Variants in SLC35D4 observed in about 807,000 individuals in gnomAD.
SLC35D4 encodes the protein solute carrier family 35 member D4, also known as UDP-N-acetylglucosamine transporter SLC35D4.
chr18:23,373,712 C>G, the SLC35D4 span: 1 of 1,613,618 alleles, frequency 6.2e-7, no homozygotes, highest in Non-Finnish European at 8.5e-7. Context: ...TTGGACTTAC[C>G]TGGGAGTCAT....
At chr18:23,340,579 T>C in the SLC35D4 span, among the ~76,000 whole-genome samples, 1 of 152,010 alleles carries the variant, frequency 6.6e-6, no homozygotes, top group Non-Finnish European at 1.5e-5. Flanking sequence ...CAATGGAAAA[T>C]ATAAATGAAA....
At chr18:23,332,658 C>CT in the SLC35D4 span, among the ~76,000 whole-genome samples, 4 of 151,678 alleles carry the variant, frequency 2.6e-5, no homozygotes, top group Admixed American at 6.6e-5. Flanking sequence ...TCAGGACTGA[C>CT]TTTTTTTTCC....
At chr18:23,385,371 G>A in the SLC35D4 span, among the ~76,000 whole-genome samples, 7 of 152,224 alleles carry the variant, frequency 4.6e-5, no homozygotes, top group Non-Finnish European at 8.8e-5. Flanking sequence ...CCCCTCAGGC[G>A]AGAGCTCAGA....
chr18:23,377,578 T>C, the SLC35D4 span: 10 of 1,449,694 alleles, frequency 6.9e-6, no homozygotes, highest in Non-Finnish European at 9.3e-6. Context: ...TTGAACAGTT[T>C]ATCATTCAAG....
chr18:23,313,042 G>A, the SLC35D4 span, among the ~76,000 whole-genome samples: 18 of 147,802 alleles, frequency 1.2e-4, no homozygotes, highest in Non-Finnish European at 2.1e-4. Context: ...CAGGAGAATC[G>A]CTGGAACCCG....
the SLC35D4 span, among the ~76,000 whole-genome samples, chr18:23,279,943 G>A: frequency 2.0e-5 from 3 of 152,106 alleles, no homozygotes; most frequent in African/African-American, 4.8e-5. Context: ...GGGCTCAAGC[G>A]ATCCTCCCAC....
chr18:23,341,140 T>A, the SLC35D4 span, among the ~76,000 whole-genome samples: 2 of 152,260 alleles, frequency 1.3e-5, no homozygotes, highest in African/African-American at 4.8e-5. Flanking sequence ...TTTATGAAGA[T>A]GCAGTTAGAT....
At chr18:23,270,170 G>T in the SLC35D4 span, among the ~76,000 whole-genome samples, 7 of 152,210 alleles carry the variant, frequency 4.6e-5, 1 homozygote, top group African/African-American at 7.2e-5. Context: ...TAGGGACTTG[G>T]TGCCTTGTGT....
At chr18:23,379,727 G>A in the SLC35D4 span, among the ~76,000 whole-genome samples, 1 of 152,174 alleles carries the variant, frequency 6.6e-6, no homozygotes, top group Non-Finnish European at 1.5e-5. Context: ...AGGATACTCA[G>A]TCCAAAATAA....
the SLC35D4 span, among the ~76,000 whole-genome samples, chr18:23,360,505 C>T: frequency 1.3e-5 from 2 of 152,180 alleles, no homozygotes; most frequent in African/African-American, 2.4e-5. Context: ...AAACATTGTG[C>T]TTCATGAGCC....
the SLC35D4 span, among the ~76,000 whole-genome samples, chr18:23,280,082 G>A: frequency 2.6e-5 from 4 of 152,256 alleles, no homozygotes; most frequent in Admixed American, 1.3e-4. Flanking sequence ...TCAGGAAGAG[G>A]AAGAAGTGCA....
the SLC35D4 span, chr18:23,297,910 C>T: frequency 7.0e-7 from 1 of 1,429,638 alleles, no homozygotes; most frequent in South Asian, 1.2e-5. Flanking sequence ...CTCTTTCTGA[C>T]ACATCCAACA....
the SLC35D4 span, among the ~76,000 whole-genome samples, chr18:23,267,262 G>A: frequency 7.2e-5 from 11 of 152,220 alleles, no homozygotes; most frequent in East Asian, 1.5e-3. Context: ...GGTCTCTTCC[G>A]CTGTCCAGCG....
At chr18:23,423,885 G>A in the SLC35D4 span, among the ~76,000 whole-genome samples, 1 of 152,162 alleles carries the variant, frequency 6.6e-6, no homozygotes, top group Non-Finnish European at 1.5e-5. Flanking sequence ...TGGAGAGGGG[G>A]CAGCAAGGGC....
the SLC35D4 span, chr18:23,352,163 G>T: frequency 6.4e-7 from 1 of 1,567,050 alleles, no homozygotes; most frequent in South Asian, 1.2e-5. Context: ...ACAGGCTCTT[G>T]AGAGAGAATT....
chr18:23,274,983 G>A, the SLC35D4 span, among the ~76,000 whole-genome samples: 6 of 151,912 alleles, frequency 3.9e-5, no homozygotes, highest in Non-Finnish European at 7.4e-5. Flanking sequence ...TTGTGTCTGA[G>A]TGCATGTGTG....
At chr18:23,283,382 G>C in the SLC35D4 span, among the ~76,000 whole-genome samples, 1 of 149,028 alleles carries the variant, frequency 6.7e-6, no homozygotes, top group South Asian at 2.1e-4. Flanking sequence ...GCTGAGGTGG[G>C]AGGATCGCTT....
chr18:23,323,015 T>A, the SLC35D4 span, among the ~76,000 whole-genome samples: 2 of 152,220 alleles, frequency 1.3e-5, no homozygotes, highest in African/African-American at 4.8e-5. Context: ...TCCTGCTAGC[T>A]AGAAAGTTCT....
chr18:23,411,877 T>C, the SLC35D4 span, among the ~76,000 whole-genome samples: 1 of 152,240 alleles, frequency 6.6e-6, no homozygotes, highest in Non-Finnish European at 1.5e-5. Flanking sequence ...AAATAGAGCA[T>C]GCATTATTGA....
Sources: gnomAD v4.1 joint callset for allele counts (sites outside exome capture counted in the v4.1 genomes callset) on GRCh38, gnomAD v4.1.1 for gene constraint, MANE v1.5 for transcripts, NCBI Gene and HGNC (gene_info 2026-07-23, HGNC 2026-07-21) for gene names.